Variants in LIPH observed in about 807,000 individuals in gnomAD.
The protein encoded by LIPH is lipase H, also known as lipase member H.
A neutral mutation model predicts 47.6 loss-of-function variants in LIPH; 32 were observed. The ratio of observed to expected loss-of-function variants is 0.67; its 90% confidence interval spans 0.51 to 0.90. The LOEUF is 0.90. Ranked by LOEUF, LIPH falls within the 40% of genes least tolerant of loss-of-function variation. LIPH has a pLI of 0.00. For synonymous variants in LIPH, 190 were observed against 195.6 expected (o/e 0.97, Z 0.24); for missense variants, 497 against 541.4 (o/e 0.92, Z 0.81).
At chr3:185,528,821 C>G (rs1309667083) in intron 3 of LIPH, among the ~76,000 whole-genome samples, 5 of 152,058 alleles carry the variant, frequency 3.3e-5, no homozygotes, top group African/African-American at 4.8e-5. Context: ...GCTGGAAAAA[C>G]AGGAGAGAAG....
chr3:185,551,242 T>C (rs1212280716), intron 1 of LIPH, among the ~76,000 whole-genome samples: 1 of 152,218 alleles, frequency 6.6e-6, no homozygotes, highest in Non-Finnish European at 1.5e-5. Context: ...AATATCATCA[T>C]TGGTATGATT....
chr3:185,516,128 T>C (rs959091194), intron 7 of LIPH, among the ~76,000 whole-genome samples: 1 of 152,008 alleles, frequency 6.6e-6, no homozygotes, highest in African/African-American at 2.4e-5. Flanking sequence ...AACAAGACCC[T>C]GTCTCAAAAA....
chr3:185,514,617 G>A (rs1719669887), intron 7 of LIPH, 96 bp from the exon 8 acceptor site: 2 of 743,614 alleles, frequency 2.7e-6, no homozygotes, highest in African/African-American at 1.7e-5. Context: ...TAATCACTGA[G>A]TCTCTTCTTC....
intron 6 of LIPH, among the ~76,000 whole-genome samples, chr3:185,517,462 A>G (rs1412865850): frequency 2.0e-5 from 3 of 152,116 alleles, no homozygotes; most frequent in Admixed American, 1.3e-4. Flanking sequence ...TAACACTGAC[A>G]TTTTTCAGTA....
At chr3:185,550,730 T>C (rs1329039870) in intron 1 of LIPH, among the ~76,000 whole-genome samples, 2 of 152,054 alleles carry the variant, frequency 1.3e-5, no homozygotes, top group African/African-American at 4.8e-5. Flanking sequence ...CCACCAGGCC[T>C]GGCTAATTTT....
chr3:185,513,768 C>T lies in LIPH; in HGVS notation c.1094+642G>A, dbSNP rs1483759137. 4.6e-5 allele frequency among the ~76,000 whole-genome samples: 7 copies of T among 152,186 alleles called. No homozygotes were observed. The East Asian group carries it at 5.8e-4, about 13-fold the overall frequency. ...AAAAATGAAGGAAATCAGCCAGGCG[C>T]GGTGGCTCACACCTGTAATCCCAGC... On this transcript the variant is annotated intron_variant, in intron 8 of 9. Coordinates refer to ENST00000296252, the MANE Select transcript of LIPH (RefSeq NM_139248.3).
intron 5 of LIPH, among the ~76,000 whole-genome samples, chr3:185,523,870 G>A (rs932559186): frequency 1.4e-4 from 21 of 151,998 alleles, no homozygotes; most frequent in African/African-American, 4.8e-4. Flanking sequence ...CTACAGGCAT[G>A]CGTCACCACA....
chr3:185,520,959 T>A (rs1050542134), intron 5 of LIPH, among the ~76,000 whole-genome samples: 1 of 149,656 alleles, frequency 6.7e-6, no homozygotes, highest in African/African-American at 2.5e-5. Flanking sequence ...AACCTCTGCC[T>A]CCTGGGTTCA....
At position 185,535,022 on chromosome 3, in the gene LIPH, C is replaced by T. The variant is rs777122848; in HGVS notation, c.160G>A (p.Ala54Thr). Residue 54 changes from alanine (A) to threonine (T), a missense_variant, in exon 2 of 10, where the codon GCA becomes ACA. Physicochemically the swap from Ala to Thr is moderately conservative, Grantham distance 58. Coordinates refer to ENST00000296252, the MANE Select transcript of LIPH (RefSeq NM_139248.3). The part of the protein sequence containing the change: ...MLYTRKNLTC[A>T]QTINSSAFGN... ...AAAGCTGAGGAGTTGATGGTTTGTG[C>T]GCAGGTCAGGTTTTTCCTTGTGTAG... 8.4e-5 allele frequency: 135 copies of T among 1,613,378 alleles called. No homozygotes were observed. The highest frequency in any genetic ancestry group is 1.0e-4 in the Non-Finnish European group (120 of 1,179,678).
chr3:185,544,071 G>A (rs767625694), intron 1 of LIPH, among the ~76,000 whole-genome samples: 11 of 151,868 alleles, frequency 7.2e-5, no homozygotes, highest in East Asian at 1.9e-4. Context: ...GGCTGGTCTC[G>A]AACTCCTGAC....
rs1553826310 is a variant in LIPH, at chr3:185,544,344, T to TTTTGTTTTG, written c.49+8078_49+8079insCAAAACAAA. On this transcript the variant is annotated intron_variant, in intron 1 of 9. Coordinates refer to ENST00000296252, the MANE Select transcript of LIPH (RefSeq NM_139248.3). ...ATGGAGAATTTTCCTCTGTTGTTTT[T>TTTTGTTTTG]TTTTGTTTTGTTTTGTTTTGTTTTT... 1.6e-3 allele frequency among the ~76,000 whole-genome samples: 249 copies of TTTTGTTTTG among 151,820 alleles called. 3 individuals carry two copies. The East Asian group carries it at 0.035, about 22-fold the overall frequency.
At chr3:185,533,752 C>T in intron 2 of LIPH, 73 bp from the exon 3 acceptor site, 1 of 1,009,428 alleles carries the variant, frequency 9.9e-7, no homozygotes, top group Non-Finnish European at 1.6e-6. Context: ...AATTTCCTGG[C>T]TGTTGACTTT....
intron 1 of LIPH, among the ~76,000 whole-genome samples, chr3:185,539,631 A>G (rs1243844085): frequency 4.6e-5 from 7 of 152,284 alleles, no homozygotes; most frequent in African/African-American, 1.4e-4. Flanking sequence ...TCAGCCTCCC[A>G]AAGTGCTGGG....
intron 6 of LIPH, among the ~76,000 whole-genome samples, 165 bp downstream of exon 6, chr3:185,518,977 A>G (rs749479705): frequency 1.0e-4 from 15 of 150,266 alleles, no homozygotes; most frequent in Middle Eastern, 3.5e-3. Context: ...AGCTGCTTCA[A>G]CCTCCCAAAG....
At chr3:185,509,026 G>T in intron 9 of LIPH, 149 bp from the exon 10 acceptor site, 1 of 650,576 alleles carries the variant, frequency 1.5e-6, no homozygotes, top group Non-Finnish European at 2.8e-6. Flanking sequence ...GGTGACTCAT[G>T]CCTGTAATCC....
intron 3 of LIPH, among the ~76,000 whole-genome samples, chr3:185,527,791 C>G (rs927078420): frequency 6.8e-6 from 1 of 147,794 alleles, no homozygotes; most frequent in African/African-American, 2.5e-5. Context: ...CTGGCTGTGC[C>G]CCTGAGAATG....
intron 4 of LIPH, among the ~76,000 whole-genome samples, chr3:185,524,505 A>G (rs1720004308): frequency 6.8e-6 from 1 of 147,096 alleles, no homozygotes; most frequent in Non-Finnish European, 1.5e-5. Context: ...GCTGGAGTGC[A>G]ATGATGCAAT....
At chr3:185,541,142 TTATA>T (rs1720696262) in intron 1 of LIPH, among the ~76,000 whole-genome samples, 1 of 152,228 alleles carries the variant, frequency 6.6e-6, no homozygotes, top group African/African-American at 2.4e-5. Flanking sequence ...TGGTGATTCC[TTATA>T]TAGTTTCAAA....
chr3:185,552,331 A>G (rs752519980), intron 1 of LIPH, 92 bp downstream of exon 1: 253 of 878,920 alleles, frequency 2.9e-4, no homozygotes, highest in Admixed American at 4.3e-4. Context: ...ACTTAAGTTC[A>G]CCGAAGGAAG....
Sources: allele counts gnomAD v4.1 joint callset (sites outside exome capture counted in the v4.1 genomes callset), GRCh38; gene constraint gnomAD v4.1.1; transcripts MANE v1.5; gene names NCBI Gene and HGNC (gene_info 2026-07-23, HGNC 2026-07-21).